ATL2: variants seen among roughly 807,000 people sequenced by gnomAD.
ATL2 encodes the protein atlastin-2.
In ATL2, 31 loss-of-function variants were observed where a neutral mutation model predicts 73.9. The observed-to-expected ratio is 0.42, with a 90% CI of 0.32 to 0.57. ATL2 has a LOEUF of 0.57. ATL2 is among the 20% of genes least tolerant of loss of function. ATL2 has a pLI of 0.14. For synonymous variants in ATL2, 291 were observed against 237.5 expected (o/e 1.23, Z -2.07); for missense variants, 738 against 702.6 (o/e 1.05, Z -0.57).
intron 2 of ATL2, among the ~76,000 whole-genome samples, chr2:38,323,889 C>T (rs1197415543): frequency 6.6e-6 from 1 of 152,130 alleles, no homozygotes; most frequent in Non-Finnish European, 1.5e-5. Context: ...CAAGCTGACT[C>T]CCTTTCACAA....
At chr2:38,342,309 A>G (rs1669770590) in intron 2 of ATL2, among the ~76,000 whole-genome samples, 1 of 152,146 alleles carries the variant, frequency 6.6e-6, no homozygotes, top group South Asian at 2.1e-4. Context: ...CATGACAGAG[A>G]TTAAAGTAGC....
intron 2 of ATL2, 64 bp from the exon 3 acceptor site, chr2:38,319,083 C>T: frequency 1.3e-6 from 2 of 1,528,638 alleles, no homozygotes; most frequent in Non-Finnish European, 1.8e-6. Flanking sequence ...ACCAAAAAAT[C>T]ACCCATTCTT....
At position 38,325,341 on chromosome 2, in the gene ATL2, T is replaced by A. The variant is rs118136587; in HGVS notation, c.364-6322A>T. Among the ~76,000 whole-genome samples, 68 of 152,232 alleles carry A rather than the reference T, an allele frequency of 4.5e-4. 1 individual carries two copies. In the East Asian group the frequency reaches 0.013, roughly 29 times the overall value. On this transcript the variant is annotated intron_variant, in intron 2 of 12. Transcript: ENST00000378954. Reference sequence around the variant, plus strand: ...CAAACTAACACAAAGGATCAGGAGTTGAGGTCAGCTTACCAGCAACTGCTG... The same window carrying A: ...CAAACTAACACAAAGGATCAGGAGTAGAGGTCAGCTTACCAGCAACTGCTG...
chr2:38,313,088 G>GA, intron 7 of ATL2, 63 bp downstream of exon 7: 1 of 1,185,576 alleles, frequency 8.4e-7, no homozygotes. Flanking sequence ...CAGCAGTCCG[G>GA]ACAGCCCACC....
intron 9 of ATL2, among the ~76,000 whole-genome samples, chr2:38,302,203 T>G (rs1206537361): frequency 6.6e-6 from 1 of 152,118 alleles, no homozygotes; most frequent in Non-Finnish European, 1.5e-5. Flanking sequence ...CAGTACTCAC[T>G]ATGGGCCTTG....
chr2:38,310,700 C>T (rs937378145), intron 7 of ATL2, among the ~76,000 whole-genome samples: 11 of 146,438 alleles, frequency 7.5e-5, no homozygotes, highest in Non-Finnish European at 1.5e-4. Context: ...TGCAATGGTG[C>T]AATCTCGGCT....
intron 1 of ATL2, among the ~76,000 whole-genome samples, chr2:38,347,913 C>G (rs535943959): frequency 6.6e-6 from 1 of 151,692 alleles, no homozygotes; most frequent in Non-Finnish European, 1.5e-5. Flanking sequence ...ACAACAGATG[C>G]CCAATGCCTC....
intron 2 of ATL2, among the ~76,000 whole-genome samples, chr2:38,329,934 G>C (rs953917463): frequency 1.3e-5 from 2 of 152,076 alleles, no homozygotes; most frequent in Non-Finnish European, 2.9e-5. Context: ...TTCAAGACCA[G>C]GCTGGCCAAC....
At chr2:38,357,671 A>C (rs1041547832) in intron 1 of ATL2, among the ~76,000 whole-genome samples, 2 of 151,450 alleles carry the variant, frequency 1.3e-5, no homozygotes, top group Non-Finnish European at 2.9e-5. Flanking sequence ...AAAAAAAAAA[A>C]ACCTCTAGAG....
chr2:38,306,031 A>T (rs1295558352), intron 9 of ATL2, among the ~76,000 whole-genome samples: 1 of 152,196 alleles, frequency 6.6e-6, no homozygotes, highest in Non-Finnish European at 1.5e-5. Flanking sequence ...AGATGACCCA[A>T]ATAAATAAAA....
At chr2:38,367,634 CTT>C (rs776674384) in intron 1 of ATL2, among the ~76,000 whole-genome samples, 4 of 95,334 alleles carry the variant, frequency 4.2e-5, no homozygotes, top group Non-Finnish European at 4.5e-5. Flanking sequence ...TTTAAAACAA[CTT>C]TTTTTTTTTT....
At chr2:38,331,549 G>A (rs980686972) in intron 2 of ATL2, among the ~76,000 whole-genome samples, 11 of 148,136 alleles carry the variant, frequency 7.4e-5, no homozygotes, top group Admixed American at 2.7e-4. Context: ...GGCAGAGGTC[G>A]TTGCAGTAAG....
chr2:38,377,644 C>T (rs779660279), upstream of ATL2, among the ~76,000 whole-genome samples: 1 of 152,148 alleles, frequency 6.6e-6, no homozygotes, highest in Non-Finnish European at 1.5e-5. Flanking sequence ...AGAACTAAGT[C>T]CCTCCCTCCC....
At chr2:38,359,239 G>A (rs1043074975) in intron 1 of ATL2, among the ~76,000 whole-genome samples, 2 of 152,288 alleles carry the variant, frequency 1.3e-5, no homozygotes, top group Non-Finnish European at 2.9e-5. Context: ...GGAGGCCGAG[G>A]TGGGTGGATC....
At chr2:38,339,973 G>A (rs758714893) in intron 2 of ATL2, among the ~76,000 whole-genome samples, 1 of 152,154 alleles carries the variant, frequency 6.6e-6, no homozygotes, top group African/African-American at 2.4e-5. Flanking sequence ...TTACAGGCGT[G>A]AGCCCCAACA....
intron 2 of ATL2, among the ~76,000 whole-genome samples, chr2:38,324,994 G>A (rs1477898574): frequency 6.6e-6 from 1 of 152,170 alleles, no homozygotes; most frequent in Non-Finnish European, 1.5e-5. Flanking sequence ...CAGACTTAGT[G>A]CCACTGAAGT....
At chr2:38,309,607 T>C (rs1384008936) in intron 8 of ATL2, 101 bp from the exon 9 acceptor site, 7 of 1,162,214 alleles carry the variant, frequency 6.0e-6, no homozygotes, top group Non-Finnish European at 8.4e-6. Flanking sequence ...GAATACATAG[T>C]ATCTATTACT....
intron 12 of ATL2, 197 bp from the exon 13 acceptor site, chr2:38,296,310 A>G: frequency 6.9e-7 from 1 of 1,444,618 alleles, no homozygotes; most frequent in Non-Finnish European, 9.0e-7. Flanking sequence ...CTTTCCTCTT[A>G]TTCAAACCAT....
At chr2:38,371,950 A>C (rs1276459427) in intron 1 of ATL2, among the ~76,000 whole-genome samples, 1 of 152,076 alleles carries the variant, frequency 6.6e-6, no homozygotes, top group Non-Finnish European at 1.5e-5. Flanking sequence ...TTAAAATCCA[A>C]GCCTCCATTC....
Sources: gnomAD v4.1 joint callset for allele counts (sites outside exome capture counted in the v4.1 genomes callset) on GRCh38, gnomAD v4.1.1 for gene constraint, MANE v1.5 for transcripts, NCBI Gene and HGNC (gene_info 2026-07-23, HGNC 2026-07-21) for gene names.